Variants in TMEM170B observed in about 807,000 individuals in gnomAD.
The protein encoded by TMEM170B is transmembrane protein 170B.
A neutral mutation model predicts 13.0 loss-of-function variants in TMEM170B; 6 were observed. The ratio of observed to expected loss-of-function variants is 0.46; its 90% CI spans 0.25 to 0.91. TMEM170B has a LOEUF of 0.91. Among genes scored for constraint, TMEM170B ranks in the 40% least tolerant of loss-of-function variants. The pLI, the probability that TMEM170B is intolerant of heterozygous loss-of-function variation, is 0.17. For synonymous variants in TMEM170B, 61 were observed against 64.9 expected (o/e 0.94, Z 0.29); for missense variants, 138 against 165.2 (o/e 0.84, Z 0.90).
chr6:11,539,474 A>G (rs1181816938), intron 1 of TMEM170B, among the ~76,000 whole-genome samples: 1 of 152,216 alleles, frequency 6.6e-6, no homozygotes, highest in Admixed American at 6.5e-5. Context: ...CTGGCATGGT[A>G]TAGAATACAA....
chr6:11,554,667 T>G (rs550709847), intron 1 of TMEM170B, among the ~76,000 whole-genome samples: 18 of 152,222 alleles, frequency 1.2e-4, no homozygotes, highest in African/African-American at 4.3e-4. Context: ...CAGTTTGAAA[T>G]TATATAATTA....
At chr6:11,548,726 T>C (rs920523592) in intron 1 of TMEM170B, among the ~76,000 whole-genome samples, 35 of 152,252 alleles carry the variant, frequency 2.3e-4, no homozygotes, top group African/African-American at 8.4e-4. Context: ...ATATACACCA[T>C]GGAATACTAT....
At chr6:11,569,518 G>A (rs1272681895) in intron 2 of TMEM170B, among the ~76,000 whole-genome samples, 1 of 152,126 alleles carries the variant, frequency 6.6e-6, no homozygotes, top group Admixed American at 6.6e-5. Context: ...GATTTCGCAG[G>A]CTAGTGGTCT....
rs1250889034 is a variant in TMEM170B, at chr6:11,538,174, C to T, written c.-104C>T. ...GGCGTCCCGCAGCCTCCACCAGCGG[C>T]GGCGGCCTGGAGGAGCCGCGCACCC... On this transcript the variant is annotated 5_prime_UTR_variant, in exon 1 of 3. Coordinates refer to ENST00000379426, the MANE Select transcript of TMEM170B (RefSeq NM_001100829.3). The T allele has an allele frequency of 6.0e-5, 18 of 300,482 alleles. No homozygotes were observed. The highest frequency in any genetic ancestry group is 9.3e-5 in the Non-Finnish European group (18 of 193,596). 18.6% of individuals were successfully genotyped at this position (300,482 alleles called of 1,614,324 possible). A position where few individuals can be genotyped will look rare whatever the true frequency, so the allele number is the denominator to read the frequency against.
In TMEM170B at chr6:11,547,667, G is replaced by A. The variant is rs529760165; in HGVS notation, c.97+9293G>A. Among the ~76,000 whole-genome samples, 130 of 152,156 alleles carry A rather than the reference G, an allele frequency of 8.5e-4. 1 individual carries two copies. Among genetic ancestry groups the A allele is most frequent in the African/African-American group, 2.1e-3 (89 of 41,516 alleles). ...GAAAATGCTATAATTTTTAAAAACC[G>A]AAATTGTCATTAGGGATTTTTTTTT... On this transcript the variant is annotated intron_variant, in intron 1 of 2. Transcript: ENST00000379426.
chr6:11,558,054 C>T (rs1051988330), intron 1 of TMEM170B, among the ~76,000 whole-genome samples: 3 of 152,148 alleles, frequency 2.0e-5, no homozygotes, highest in Non-Finnish European at 4.4e-5. Flanking sequence ...GGACTATGGG[C>T]TTATGCCACC....
chr6:11,579,200 T>C lies in TMEM170B; in HGVS notation c.*3639T>C, dbSNP rs1230513528. The C allele has an allele frequency of 6.6e-6, 1 of 152,194 alleles. No homozygotes were observed. Among genetic ancestry groups the C allele is most frequent in the Non-Finnish European group, 1.5e-5 (1 of 68,042 alleles). 9.4% of individuals were successfully genotyped at this position (152,194 alleles called of 1,614,324 possible). On this transcript the variant is annotated 3_prime_UTR_variant, in exon 3 of 3. Coordinates refer to ENST00000379426, the MANE Select transcript of TMEM170B (RefSeq NM_001100829.3). ...AAATAGAATTTCCATAACTGAGATA[T>C]CATGGCTGTGACATAGTGAAGAGAA...
chr6:11,549,134 C>T lies in TMEM170B; in HGVS notation c.97+10760C>T, dbSNP rs564652230. Among the ~76,000 whole-genome samples the T allele has an allele frequency of 3.3e-5, 5 of 152,192 alleles. No individual in the cohort carries two copies. The South Asian group carries it at 1.0e-3, about 32-fold the overall frequency. On this transcript the variant is annotated intron_variant, in intron 1 of 2. Transcript: ENST00000379426. ...AGCCCAGAGAGTGTAGCATGTTGAA[C>T]TTATTGTAGTATCAGATGAATAAGT...
chr6:11,570,443 C>A (rs1039683009), intron 2 of TMEM170B, among the ~76,000 whole-genome samples: 5 of 151,584 alleles, frequency 3.3e-5, no homozygotes, highest in Non-Finnish European at 7.4e-5. Flanking sequence ...AAATACAGAG[C>A]ATAATAGAAG....
chr6:11,544,664 T>A (rs1759407163), intron 1 of TMEM170B, among the ~76,000 whole-genome samples: 1 of 152,190 alleles, frequency 6.6e-6, no homozygotes, highest in Non-Finnish European at 1.5e-5. Flanking sequence ...ATGTAGAGCA[T>A]ACTAATCCCT....
chr6:11,539,463 T>A (rs1759330167), intron 1 of TMEM170B, among the ~76,000 whole-genome samples: 2 of 152,186 alleles, frequency 1.3e-5, no homozygotes, highest in Non-Finnish European at 2.9e-5. Flanking sequence ...ATATATAAAG[T>A]CTGGCATGGT....
chr6:11,555,141 A>G (rs1759571891), intron 1 of TMEM170B, among the ~76,000 whole-genome samples: 1 of 151,928 alleles, frequency 6.6e-6, no homozygotes, highest in African/African-American at 2.4e-5. Context: ...TTTGAAAGAC[A>G]TTTCTGTTGA....
chr6:11,579,142 C>T lies in TMEM170B; in HGVS notation c.*3581C>T, dbSNP rs1759919205. The T allele has an allele frequency of 6.6e-6, 1 of 152,070 alleles. No individual in the cohort carries two copies. The highest frequency in any genetic ancestry group is 1.5e-5 in the Non-Finnish European group (1 of 68,000). The allele number at this position is 152,070 out of a possible 1,614,324, so 9.4% of individuals were successfully genotyped here. On this transcript the variant is annotated 3_prime_UTR_variant, in exon 3 of 3. Coordinates refer to ENST00000379426, the MANE Select transcript of TMEM170B (RefSeq NM_001100829.3). ...TTTAGTTGAGAGTTAGCCTGTTATC[C>T]CTCCAAATTCTCATTTTCCTGGTTC...
At chr6:11,541,955 TA>T (rs943051025) in intron 1 of TMEM170B, among the ~76,000 whole-genome samples, 6 of 151,942 alleles carry the variant, frequency 3.9e-5, no homozygotes, top group Non-Finnish European at 7.4e-5. Context: ...AATTATCGAG[TA>T]AAATAGTAAC....
At chr6:11,562,596 T>G (rs1759682129) in intron 1 of TMEM170B, among the ~76,000 whole-genome samples, 1 of 152,118 alleles carries the variant, frequency 6.6e-6, no homozygotes. Flanking sequence ...AACTTTTATT[T>G]TGAGATTATA....
chr6:11,547,435 A>C (rs1759455077), intron 1 of TMEM170B, among the ~76,000 whole-genome samples: 1 of 152,162 alleles, frequency 6.6e-6, no homozygotes, highest in African/African-American at 2.4e-5. Flanking sequence ...TCAAATGTCT[A>C]CTTAGAGTTA....
At chr6:11,555,579 A>G (rs1391442151) in intron 1 of TMEM170B, among the ~76,000 whole-genome samples, 1 of 152,122 alleles carries the variant, frequency 6.6e-6, no homozygotes, top group Non-Finnish European at 1.5e-5. Flanking sequence ...AACCATTTGA[A>G]ATTGTGCCAT....
intron 1 of TMEM170B, among the ~76,000 whole-genome samples, chr6:11,546,447 AAATT>A (rs1247507773): frequency 1.3e-5 from 2 of 152,216 alleles, no homozygotes; most frequent in Non-Finnish European, 2.9e-5. Context: ...TTTTAAAAAT[AAATT>A]TAGTGTAGCC....
Position 11,565,825 on chromosome 6 carries a change from C to T in TMEM170B, c.257C>T (p.Ala86Val), listed in dbSNP as rs759731141. 13 of 1,613,978 alleles carry T rather than the reference C, an allele frequency of 8.1e-6. No homozygotes were observed. The East Asian group carries it at 1.6e-4, about 19-fold the overall frequency. ...SIGFLASVTG[A>V]MITSAAVAGI... is the part of the protein sequence containing the mutation. Reference sequence around the variant, plus strand: ...GGATTTCTGGCTTCTGTAACTGGAGCGATGATTACCAGTAAGTTGATTTTC... The same window carrying T: ...GGATTTCTGGCTTCTGTAACTGGAGTGATGATTACCAGTAAGTTGATTTTC... The change falls in exon 2 of 3, where the codon GCG becomes GTG. Residue 86 changes from alanine to valine, a missense_variant. Ala to Val is a moderately conservative substitution (Grantham distance 64, BLOSUM62 0). Transcript: ENST00000379426.
Sources: allele counts gnomAD v4.1 joint callset (sites outside exome capture counted in the v4.1 genomes callset), GRCh38; gene constraint gnomAD v4.1.1; transcripts MANE v1.5; gene names NCBI Gene and HGNC (gene_info 2026-07-23, HGNC 2026-07-21).